Variants in GLIS3 observed in about 807,000 individuals in gnomAD.
The protein encoded by GLIS3 is zinc finger protein GLIS3.
In GLIS3, 53 loss-of-function variants were observed where a neutral mutation model predicts 78.6. The observed-to-expected ratio is 0.67, with a 90% CI of 0.54 to 0.85. The LOEUF (loss-of-function observed/expected upper bound fraction) is 0.85. Among genes scored for constraint, GLIS3 ranks in the 40% least tolerant of loss-of-function variants. GLIS3 has a pLI of 0.00. For missense variants in GLIS3, 1,703 were observed against 1,231.1 expected, an observed-to-expected ratio of 1.38 and a Z score of -5.74; for synonymous variants, 684 against 509.9, an observed-to-expected ratio of 1.34 and a Z score of -4.60.
At chr9:4,214,788 T>C (rs1036450146) in intron 2 of GLIS3, among the ~76,000 whole-genome samples, 3 of 152,210 alleles carry the variant, frequency 2.0e-5, no homozygotes, top group African/African-American at 7.2e-5. Flanking sequence ...AGATTACAAA[T>C]TGCGTAGCTG....
At chr9:3,900,504 A>G (rs1454529843) in intron 6 of GLIS3, among the ~76,000 whole-genome samples, 1 of 151,772 alleles carries the variant, frequency 6.6e-6, no homozygotes, top group Non-Finnish European at 1.5e-5. Context: ...AAATATACAC[A>G]TATATATATA....
intron 4 of GLIS3, among the ~76,000 whole-genome samples, chr9:4,099,359 A>G (rs1586663460): frequency 6.6e-6 from 1 of 152,112 alleles, no homozygotes. Context: ...TTTGCTGGCA[A>G]TCTTTGGCTT....
chr9:4,046,279 A>G (rs960186943), intron 4 of GLIS3, among the ~76,000 whole-genome samples: 1 of 152,212 alleles, frequency 6.6e-6, no homozygotes, highest in African/African-American at 2.4e-5. Context: ...TTCATCATGC[A>G]CCTATGTGAA....
At chr9:4,407,819 G>C in the GLIS3 span, among the ~76,000 whole-genome samples, 3 of 152,204 alleles carry the variant, frequency 2.0e-5, no homozygotes, top group East Asian at 1.9e-4. Flanking sequence ...TCAACAAAGT[G>C]AAGAGGCAAC....
At chr9:4,417,738 T>C in the GLIS3 span, among the ~76,000 whole-genome samples, 1 of 152,364 alleles carries the variant, frequency 6.6e-6, no homozygotes, top group East Asian at 1.9e-4. Flanking sequence ...ACTTACATTA[T>C]GTGAGAATTC....
chr9:4,390,718 C>A, the GLIS3 span, among the ~76,000 whole-genome samples: 2 of 152,162 alleles, frequency 1.3e-5, no homozygotes, highest in Admixed American at 1.3e-4. Flanking sequence ...CTTCCCCACC[C>A]AGTAGTCCAC....
intron 2 of GLIS3, among the ~76,000 whole-genome samples, chr9:4,219,020 G>A (rs1821094500): frequency 6.6e-6 from 1 of 152,142 alleles, no homozygotes; most frequent in South Asian, 2.1e-4. Flanking sequence ...CTCCAGCATT[G>A]CCTGGCATAT....
chr9:3,870,054 A>G (rs543584372), intron 8 of GLIS3, among the ~76,000 whole-genome samples: 3 of 152,320 alleles, frequency 2.0e-5, no homozygotes, highest in African/African-American at 7.2e-5. Flanking sequence ...AAACTAAGTC[A>G]TAAGTCAGAC....
upstream of GLIS3, among the ~76,000 whole-genome samples, chr9:4,350,998 G>A (rs952211651): frequency 1.3e-5 from 2 of 152,088 alleles, no homozygotes; most frequent in African/African-American, 2.4e-5. Flanking sequence ...AGGTCACACC[G>A]CCATGAAGCT....
At chr9:4,184,709 T>C (rs1359910876) in intron 2 of GLIS3, among the ~76,000 whole-genome samples, 1 of 152,194 alleles carries the variant, frequency 6.6e-6, no homozygotes, top group African/African-American at 2.4e-5. Context: ...AAACAGCAGA[T>C]TTCTCTGTGT....
intron 2 of GLIS3, among the ~76,000 whole-genome samples, chr9:4,141,484 G>A (rs1415386171): frequency 6.6e-6 from 1 of 152,224 alleles, no homozygotes; most frequent in African/African-American, 2.4e-5. Context: ...CAAGAACACA[G>A]AAAAGCTCCT....
At chr9:3,874,247 A>G (rs1821155373) in intron 8 of GLIS3, among the ~76,000 whole-genome samples, 1 of 152,210 alleles carries the variant, frequency 6.6e-6, no homozygotes, top group South Asian at 2.1e-4. Flanking sequence ...GATGTAATCA[A>G]TCACGCCTAT....
Position 4,118,147 on chromosome 9 carries a change from G to T in GLIS3, c.1331C>A (p.Pro444His), listed in dbSNP as rs1341959990. The change falls in exon 4 of 11, where the codon CCC becomes CAC. Residue 444 changes from proline to histidine, a missense_variant. Physicochemically the swap from Pro to His is moderately conservative, Grantham distance 77 (BLOSUM62 -2). Coordinates refer to ENST00000381971, the MANE Select transcript of GLIS3 (RefSeq NM_001042413.2). This position sits in a 1 kb window ranked among gnomAD's most constrained non-coding sequence, Gnocchi z 4.7. The part of the protein sequence containing the change: ...EEFPGSTVDL[P>H]PAPPLPPLPP... ...CAGAGGAGGGAGCGGAGGCGCGGGGGGTAGGTCTACGGTGCTGCCCGGGAA... is the reference window on the plus strand; with the variant it reads ...CAGAGGAGGGAGCGGAGGCGCGGGGTGTAGGTCTACGGTGCTGCCCGGGAA... The T allele has an allele frequency of 2.6e-6, 4 of 1,554,962 alleles. No individual in the cohort carries two copies. Among genetic ancestry groups the T allele is most frequent in the Non-Finnish European group, 3.5e-6 (4 of 1,149,992 alleles).
intron 2 of GLIS3, among the ~76,000 whole-genome samples, chr9:4,199,031 C>A (rs1054480727): frequency 2.0e-5 from 3 of 152,230 alleles, no homozygotes; most frequent in Admixed American, 1.3e-4. Flanking sequence ...TTCACCACCA[C>A]TGGACCAATC....
chr9:3,934,589 A>C (rs1244633690), intron 5 of GLIS3, among the ~76,000 whole-genome samples: 1 of 152,112 alleles, frequency 6.6e-6, no homozygotes, highest in East Asian at 1.9e-4. Context: ...TTGTATTTTT[A>C]GTAGAGATGG....
intron 2 of GLIS3, among the ~76,000 whole-genome samples, chr9:4,153,561 C>G (rs1207694372): frequency 6.6e-6 from 1 of 152,064 alleles, no homozygotes; most frequent in African/African-American, 2.4e-5. Context: ...GAGACTCTGT[C>G]TCAAAATATA....
intron 2 of GLIS3, among the ~76,000 whole-genome samples, chr9:4,161,739 G>A (rs1835496639): frequency 6.9e-6 from 1 of 145,858 alleles, no homozygotes; most frequent in South Asian, 2.2e-4. Flanking sequence ...GTACAGTGGC[G>A]CAATTCTCGG....
chr9:4,426,705 G>T, the GLIS3 span, among the ~76,000 whole-genome samples: 1 of 152,162 alleles, frequency 6.6e-6, no homozygotes. Context: ...AGAATGATTG[G>T]GTTTCAGTCC....
chr9:4,337,273 A>G (rs763985183), intron 2 of GLIS3, among the ~76,000 whole-genome samples: 1 of 152,232 alleles, frequency 6.6e-6, no homozygotes, highest in Non-Finnish European at 1.5e-5. Flanking sequence ...GACCTTCACC[A>G]AAGTGTTAAT....
Sources: gnomAD v4.1 joint callset for allele counts (sites outside exome capture counted in the v4.1 genomes callset) on GRCh38, gnomAD v4.1.1 for gene constraint, Gnocchi (gnomAD v3.1) non-coding constraint, MANE v1.5 for transcripts, NCBI Gene and HGNC (gene_info 2026-07-23, HGNC 2026-07-21) for gene names.